Variants in GLIS3 observed in about 807,000 individuals in gnomAD.
GLIS3 encodes the protein GLIS family zinc finger 3.
In GLIS3, 53 loss-of-function variants were observed where a neutral mutation model predicts 78.6. That is an observed-to-expected ratio of 0.67 (90% CI 0.54 to 0.85). The LOEUF (loss-of-function observed/expected upper bound fraction) is 0.85. Ranked by LOEUF, GLIS3 falls within the 40% of genes least tolerant of loss-of-function variation. GLIS3 has a pLI of 0.00. For missense variants in GLIS3, 1,703 were observed against 1,231.1 expected (o/e 1.38, Z -5.74); for synonymous variants, 684 against 509.9 (o/e 1.34, Z -4.60).
chr9:4,232,656 A>G (rs1329376113), intron 2 of GLIS3, among the ~76,000 whole-genome samples: 1 of 152,218 alleles, frequency 6.6e-6, no homozygotes, highest in Non-Finnish European at 1.5e-5. Flanking sequence ...ACTACAAAAC[A>G]AAAGTAGTTA....
At chr9:3,920,595 A>G (rs1824817163) in intron 6 of GLIS3, among the ~76,000 whole-genome samples, 1 of 145,438 alleles carries the variant, frequency 6.9e-6, no homozygotes, top group East Asian at 2.0e-4. Context: ...ATATTTTTGA[A>G]TATAAAAGAA....
chr9:4,406,649 T>C, the GLIS3 span, among the ~76,000 whole-genome samples: 1 of 152,176 alleles, frequency 6.6e-6, no homozygotes, highest in Non-Finnish European at 1.5e-5. Flanking sequence ...CATTTCTATA[T>C]GCCAACAGTG....
chr9:4,388,895 G>A, the GLIS3 span, among the ~76,000 whole-genome samples: 2 of 152,130 alleles, frequency 1.3e-5, no homozygotes, highest in South Asian at 4.2e-4. Context: ...CAGAAGAGAT[G>A]CTCCAGATCA....
At chr9:3,884,793 CG>C (rs539269515) in intron 7 of GLIS3, among the ~76,000 whole-genome samples, 50 of 152,206 alleles carry the variant, frequency 3.3e-4, no homozygotes, top group African/African-American at 1.0e-3. Flanking sequence ...AATTCAAATC[CG>C]GGAAGCCTGA....
At chr9:4,050,526 A>G (rs962871542) in intron 4 of GLIS3, among the ~76,000 whole-genome samples, 3 of 152,144 alleles carry the variant, frequency 2.0e-5, no homozygotes, top group Non-Finnish European at 4.4e-5. Flanking sequence ...CAGCAAGCCA[A>G]CATGGCACAT....
intron 2 of GLIS3, among the ~76,000 whole-genome samples, chr9:4,133,854 A>ACACACG (rs1368826580): frequency 1.2e-4 from 11 of 88,482 alleles, no homozygotes; most frequent in Non-Finnish European, 2.4e-5. Context: ...ACACACACAC[A>ACACACG]CACACACACA....
the GLIS3 span, among the ~76,000 whole-genome samples, chr9:4,401,454 G>A: frequency 1.3e-5 from 2 of 151,854 alleles, no homozygotes; most frequent in Admixed American, 1.3e-4. Context: ...AGTAGAGATG[G>A]GGTTTCTCCA....
At chr9:3,913,565 C>G (rs501227) in intron 6 of GLIS3, among the ~76,000 whole-genome samples, 20 of 152,100 alleles carry the variant, frequency 1.3e-4, no homozygotes, top group Non-Finnish European at 2.4e-4. Flanking sequence ...CCTCCCTCAT[C>G]TGGAGTCCCC....
intron 9 of GLIS3, among the ~76,000 whole-genome samples, chr9:3,837,888 C>A (rs547148879): frequency 2.0e-5 from 3 of 151,748 alleles, no homozygotes; most frequent in African/African-American, 7.3e-5. Flanking sequence ...CCCCTAATAT[C>A]AGCTGTGGAC....
chr9:4,381,230 A>G, the GLIS3 span, among the ~76,000 whole-genome samples: 1 of 152,242 alleles, frequency 6.6e-6, no homozygotes, highest in Non-Finnish European at 1.5e-5. Context: ...CAACATGAAA[A>G]TATCTTTAAA....
chr9:3,911,226 T>C (rs1283169036), intron 6 of GLIS3, among the ~76,000 whole-genome samples: 1 of 152,126 alleles, frequency 6.6e-6, no homozygotes, highest in East Asian at 1.9e-4. Context: ...ATAAGACAAT[T>C]GAAGTTCCCT....
At chr9:4,122,240 T>A (rs1832247008) in intron 3 of GLIS3, among the ~76,000 whole-genome samples, 1 of 152,098 alleles carries the variant, frequency 6.6e-6, no homozygotes, top group Admixed American at 6.5e-5. Context: ...TTCTAATACA[T>A]CACATGGAGA....
the GLIS3 span, among the ~76,000 whole-genome samples, chr9:4,415,394 C>A: frequency 6.6e-6 from 1 of 152,216 alleles, no homozygotes; most frequent in African/African-American, 2.4e-5. Flanking sequence ...GTTTGCCAGC[C>A]AGTAAATGTT....
intron 2 of GLIS3, among the ~76,000 whole-genome samples, chr9:4,141,797 C>A (rs1490617486): frequency 1.3e-5 from 2 of 152,122 alleles, no homozygotes; most frequent in Non-Finnish European, 2.9e-5. Flanking sequence ...AACTAAAATA[C>A]CAAAATATAA....
At chr9:4,403,793 G>A in the GLIS3 span, among the ~76,000 whole-genome samples, 2 of 151,774 alleles carry the variant, frequency 1.3e-5, no homozygotes, top group Non-Finnish European at 2.9e-5. Flanking sequence ...AAAGAAGACA[G>A]GAAGGAAGGA....
chr9:4,162,718 A>G (rs377392635), intron 2 of GLIS3, among the ~76,000 whole-genome samples: 12 of 152,098 alleles, frequency 7.9e-5, no homozygotes, highest in Admixed American at 1.3e-4. Flanking sequence ...TAAGCTGGGC[A>G]TAGTGGCACA....
chr9:4,241,146 C>G (rs1037889250), intron 2 of GLIS3, among the ~76,000 whole-genome samples: 4 of 152,164 alleles, frequency 2.6e-5, no homozygotes, highest in African/African-American at 9.7e-5. Context: ...TTTGTGCACA[C>G]TCTGAAATCT....
intron 2 of GLIS3, among the ~76,000 whole-genome samples, chr9:4,284,259 G>T (rs778524704): frequency 1.9e-4 from 29 of 152,184 alleles, no homozygotes; most frequent in Non-Finnish European, 3.7e-4. Context: ...ACTTAACACG[G>T]TGCCTGACAT....
chr9:3,846,682 C>G (rs1263883575), intron 9 of GLIS3, among the ~76,000 whole-genome samples: 1 of 152,224 alleles, frequency 6.6e-6, no homozygotes, highest in African/African-American at 2.4e-5. Context: ...GAATTCCTCA[C>G]AATCCCTCTT....
Sources: allele counts gnomAD v4.1 joint callset (sites outside exome capture counted in the v4.1 genomes callset), GRCh38; gene constraint gnomAD v4.1.1; transcripts MANE v1.5; gene names NCBI Gene and HGNC (gene_info 2026-07-23, HGNC 2026-07-21).